The following CDC123 variants were observed in gnomAD, a reference collection of about 807,000 sequenced individuals.
CDC123 encodes cell division cycle 123, also known as translation initiation factor eIF2 assembly protein.
In CDC123, 37 loss-of-function variants were observed where a neutral mutation model predicts 54.4. The observed-to-expected ratio is 0.68, with a 90% CI of 0.52 to 0.89. The LOEUF (loss-of-function observed/expected upper bound fraction) is 0.89, where lower values mean the gene tolerates loss of function less well. Ranked by LOEUF, CDC123 falls within the 40% of genes least tolerant of loss-of-function variation. The probability of loss-of-function intolerance (pLI) is 0.00; values close to 1 mark genes in which losing one functional copy is unlikely to be tolerated. For synonymous variants in CDC123, 144 were observed against 136.8 expected, an observed-to-expected ratio of 1.05 and a Z score of -0.37; for missense variants, 361 against 412.1, an observed-to-expected ratio of 0.88 and a Z score of 1.07.
chr10:12,241,157 T>C (rs1479284815), intron 10 of CDC123, among the ~76,000 whole-genome samples: 1 of 130,348 alleles, frequency 7.7e-6, no homozygotes, highest in Non-Finnish European at 1.6e-5. Context: ...TACTTCTATT[T>C]TTCTTAGTAA....
At chr10:12,217,305 C>G (rs1355976517) in intron 5 of CDC123, 56 bp from the exon 6 acceptor site, 1 of 1,538,732 alleles carries the variant, frequency 6.5e-7, no homozygotes, top group African/African-American at 1.4e-5. Context: ...TAGGCCTGAG[C>G]ATTCATAGCA....
chr10:12,210,084 A>C, intron 3 of CDC123, 60 bp downstream of exon 3: 1 of 1,564,378 alleles, frequency 6.4e-7, no homozygotes, highest in South Asian at 1.1e-5. Context: ...GATCTCTGAG[A>C]TGGTTCTGAC....
At chr10:12,216,569 G>A (rs1422911522) in intron 5 of CDC123, among the ~76,000 whole-genome samples, 1 of 152,066 alleles carries the variant, frequency 6.6e-6, no homozygotes, top group East Asian at 1.9e-4. Context: ...AAATCAGCAG[G>A]TCTTGACACC....
chr10:12,205,799 C>A (rs1461725594), intron 2 of CDC123, among the ~76,000 whole-genome samples: 1 of 151,068 alleles, frequency 6.6e-6, no homozygotes, highest in Non-Finnish European at 1.5e-5. Context: ...AATAAACTTT[C>A]ACTTTTTTTT....
intron 2 of CDC123, among the ~76,000 whole-genome samples, chr10:12,208,722 G>C (rs1182745494): frequency 6.6e-6 from 1 of 152,170 alleles, no homozygotes; most frequent in Non-Finnish European, 1.5e-5. Flanking sequence ...GGAGGGCTGT[G>C]TGTCCTGGAC....
At chr10:12,206,929 A>G (rs1169984649) in intron 2 of CDC123, among the ~76,000 whole-genome samples, 2 of 147,318 alleles carry the variant, frequency 1.4e-5, no homozygotes, top group Admixed American at 1.4e-4. Context: ...ACTGCACTCC[A>G]GCGTGGGCAA....
chr10:12,207,946 C>T (rs1302017345), intron 2 of CDC123, among the ~76,000 whole-genome samples: 1 of 152,196 alleles, frequency 6.6e-6, no homozygotes, highest in Non-Finnish European at 1.5e-5. Flanking sequence ...CCTGGATGGA[C>T]TTCAGAGCTT....
At chr10:12,241,444 C>T (rs1836056053) in intron 10 of CDC123, among the ~76,000 whole-genome samples, 2 of 152,102 alleles carry the variant, frequency 1.3e-5, no homozygotes, top group Admixed American at 1.3e-4. Context: ...TTCTCCATTT[C>T]AATATTGGAT....
intron 4 of CDC123, among the ~76,000 whole-genome samples, chr10:12,211,671 T>A (rs982392762): frequency 1.3e-5 from 2 of 152,124 alleles, no homozygotes; most frequent in Admixed American, 6.5e-5. Flanking sequence ...GTGGGAAAGG[T>A]GACACAGGCA....
At chr10:12,226,046 C>T (rs934753121) in intron 6 of CDC123, among the ~76,000 whole-genome samples, 10 of 152,024 alleles carry the variant, frequency 6.6e-5, no homozygotes, top group African/African-American at 2.4e-4. Flanking sequence ...TTCGTGGACA[C>T]AGCACATGTT....
At position 12,246,171 on chromosome 10, in the gene CDC123, T is replaced by G; in HGVS notation, c.740T>G (p.Phe247Cys). 6.2e-7 allele frequency: 1 copy of G among 1,614,140 alleles called. No homozygotes were observed. The highest frequency in any genetic ancestry group is 8.5e-7 in the Non-Finnish European group (1 of 1,179,998). ...DSRGKVWLID[F>C]NPFGEVTDSL... Reference sequence around the variant, plus strand: ...CAGGGGAAGGTGTGGCTCATTGACTTTAATCCATTTGGTGAAGTCACAGAT... The same window carrying G: ...CAGGGGAAGGTGTGGCTCATTGACTGTAATCCATTTGGTGAAGTCACAGAT... Residue 247 changes from phenylalanine to cysteine, a missense_variant, in exon 11 of 13, where the codon TTT becomes TGT. Coordinates refer to ENST00000281141, the MANE Select transcript of CDC123 (RefSeq NM_006023.3).
chr10:12,244,430 G>A (rs1407797525), intron 10 of CDC123, among the ~76,000 whole-genome samples: 4 of 152,178 alleles, frequency 2.6e-5, no homozygotes, highest in African/African-American at 7.2e-5. Flanking sequence ...TGCCGTGGCC[G>A]TCATTCCTGG....
chr10:12,226,928 G>A (rs1001790770), intron 6 of CDC123, among the ~76,000 whole-genome samples: 15 of 151,668 alleles, frequency 9.9e-5, no homozygotes, highest in African/African-American at 3.4e-4. Flanking sequence ...AGGTTGTAGC[G>A]AGCCGAGATC....
Position 12,217,429 on chromosome 10 carries a change from C to T in CDC123, c.402C>T (p.Phe134=). ...CCCTCAGCGACATCTTTCTGCTTTT[C>T]AAGAGTTCCGATTTCATCACTCGTG... The part of the protein sequence containing the change: ...CKTLSDIFLL[F]KSSDFITRDF... Residue 134 remains phenylalanine (F), a synonymous_variant, in exon 6 of 13, where the codon TTC becomes TTT. Transcript: ENST00000281141. The T allele has an allele frequency of 6.2e-7, 1 of 1,614,028 alleles. No individual in the cohort carries two copies.
At chr10:12,224,211 A>G (rs1292116452) in intron 6 of CDC123, among the ~76,000 whole-genome samples, 1 of 151,984 alleles carries the variant, frequency 6.6e-6, no homozygotes, top group Admixed American at 6.6e-5. Flanking sequence ...TAAAAAAAAA[A>G]AAAAGACATC....
intron 2 of CDC123, among the ~76,000 whole-genome samples, chr10:12,199,664 T>C (rs1158056756): frequency 6.6e-6 from 1 of 152,276 alleles, no homozygotes; most frequent in East Asian, 1.9e-4. Flanking sequence ...TTTAGTGTGG[T>C]TTTCTGGATT....
rs986032667 is a variant in CDC123, at chr10:12,214,958, T to G, written c.238-782T>G. On this transcript the variant is annotated intron_variant, in intron 4 of 12. Transcript: ENST00000281141. ...TTTTTATGTCTCTTGAGGGCCCTAC[T>G]TCCCCCTCTCTTACTTACCTTTTTT... Among the ~76,000 whole-genome samples, 4 of 152,290 alleles carry G rather than the reference T, an allele frequency of 2.6e-5. No homozygotes were observed. The South Asian group carries it at 8.3e-4, about 32-fold the overall frequency.
intron 2 of CDC123, among the ~76,000 whole-genome samples, chr10:12,203,402 T>C (rs1447937893): frequency 3.3e-5 from 5 of 152,246 alleles, no homozygotes; most frequent in Non-Finnish European, 7.3e-5. Flanking sequence ...TAACCTCTAC[T>C]GAGTTCAGTG....
intron 10 of CDC123, among the ~76,000 whole-genome samples, chr10:12,239,780 G>A (rs1229828632): frequency 1.3e-5 from 2 of 151,592 alleles, no homozygotes; most frequent in East Asian, 3.9e-4. Flanking sequence ...AGGCCGAGAC[G>A]GGCAGATCAC....
Sources: allele counts gnomAD v4.1 joint callset (sites outside exome capture counted in the v4.1 genomes callset), GRCh38; gene constraint gnomAD v4.1.1; transcripts MANE v1.5; gene names NCBI Gene and HGNC (gene_info 2026-07-23, HGNC 2026-07-21).